DOCK2: variants seen among roughly 807,000 people sequenced by gnomAD.
DOCK2 encodes the protein dedicator of cytokinesis protein 2.
DOCK2 carries 87 observed loss-of-function variants against 248.9 expected under a neutral mutation model. The ratio of observed to expected loss-of-function variants is 0.35; its 90% confidence interval spans 0.29 to 0.42. The LOEUF (loss-of-function observed/expected upper bound fraction) is 0.42, where lower values mean the gene tolerates loss of function less well. DOCK2 is among the 10% of genes least tolerant of loss of function. The probability of loss-of-function intolerance (pLI) is 1.00; values close to 1 mark genes in which losing one functional copy is unlikely to be tolerated. For synonymous variants in DOCK2, 805 were observed against 821.6 expected, an observed-to-expected ratio of 0.98 and a Z score of 0.35; for missense variants, 1,747 against 2,300.2, an observed-to-expected ratio of 0.76 and a Z score of 4.92.
rs118131805 is a variant in DOCK2 at position 169,840,716 on chromosome 5, G to T, written c.2704-41G>T. On this transcript the variant is annotated intron_variant, in intron 26 of 51. Transcript: ENST00000520908. ...TCCTTTGTACAATTGTTCAGATGCAGTGTCCTGGTTGTCACATAGATGTCT... is the reference window on the plus strand; with the variant it reads ...TCCTTTGTACAATTGTTCAGATGCATTGTCCTGGTTGTCACATAGATGTCT... The T allele has an allele frequency of 8.0e-3, 12,773 of 1,588,344 alleles. 78 individuals are homozygous for T. Among genetic ancestry groups the T allele is most frequent in the East Asian group, 0.023 (1,035 of 44,496 alleles).
At chr5:169,780,243 G>A (rs570297967) in intron 25 of DOCK2, among the ~76,000 whole-genome samples, 2 of 151,640 alleles carry the variant, frequency 1.3e-5, no homozygotes, top group East Asian at 1.9e-4. Context: ...GAGGAGGGAC[G>A]GAGTCAGCTC....
chr5:170,055,843 T>A (rs1198014362), intron 42 of DOCK2, among the ~76,000 whole-genome samples: 1 of 152,224 alleles, frequency 6.6e-6, no homozygotes, highest in Non-Finnish European at 1.5e-5. Flanking sequence ...GTTCAGGCTC[T>A]GATAAAGGAA....
intron 25 of DOCK2, among the ~76,000 whole-genome samples, chr5:169,784,050 A>G (rs1316627400): frequency 6.6e-6 from 1 of 152,192 alleles, no homozygotes; most frequent in Non-Finnish European, 1.5e-5. Context: ...ACTGGCTTTC[A>G]AAGTCCAGGG....
intron 17 of DOCK2, 44 bp from the exon 18 acceptor site, chr5:169,713,984 G>A: frequency 1.3e-6 from 2 of 1,545,492 alleles, no homozygotes; most frequent in Non-Finnish European, 1.7e-6. Context: ...GTGGCATTGG[G>A]CATGGAGCCT....
At chr5:169,752,616 T>G (rs939856795) in intron 23 of DOCK2, among the ~76,000 whole-genome samples, 1 of 151,696 alleles carries the variant, frequency 6.6e-6, no homozygotes, top group Non-Finnish European at 1.5e-5. Flanking sequence ...CATGGGGGCC[T>G]GCCCATGCCT....
intron 27 of DOCK2, chr5:169,875,121 G>A (rs983989251): frequency 1.8e-5 from 8 of 443,182 alleles, no homozygotes; most frequent in African/African-American, 1.4e-4. Context: ...TTTATTCATG[G>A]GCTGGTTGTC....
chr5:169,799,675 A>G (rs1479063417), intron 25 of DOCK2, among the ~76,000 whole-genome samples: 1 of 152,234 alleles, frequency 6.6e-6, no homozygotes, highest in Non-Finnish European at 1.5e-5. Context: ...TATGGACTAA[A>G]TATTTAACTT....
At chr5:169,913,642 A>G (rs1774722035) in intron 27 of DOCK2, among the ~76,000 whole-genome samples, 2 of 152,222 alleles carry the variant, frequency 1.3e-5, no homozygotes, top group African/African-American at 4.8e-5. Context: ...GGGAGTATGC[A>G]GCTTATGAGC....
chr5:170,032,258 C>T (rs910800099), intron 34 of DOCK2, among the ~76,000 whole-genome samples: 1 of 152,114 alleles, frequency 6.6e-6, no homozygotes, highest in Non-Finnish European at 1.5e-5. Context: ...TATCTCCTGA[C>T]CTCGTGATCT....
chr5:169,874,742 A>G (rs757269554), intron 27 of DOCK2, among the ~76,000 whole-genome samples: 2 of 152,140 alleles, frequency 1.3e-5, no homozygotes, highest in Non-Finnish European at 2.9e-5. Flanking sequence ...CTGGATTGCC[A>G]ATCAGTTTCT....
At chr5:170,057,011 C>T (rs768347969) in intron 43 of DOCK2, 20 of 492,762 alleles carry the variant, frequency 4.1e-5, no homozygotes, top group Non-Finnish European at 6.5e-5. Flanking sequence ...TTTTCAACCA[C>T]AGGGCATTCA....
intron 30 of DOCK2, among the ~76,000 whole-genome samples, chr5:170,003,839 C>T (rs1754923845): frequency 6.6e-6 from 1 of 152,210 alleles, no homozygotes; most frequent in Non-Finnish European, 1.5e-5. Context: ...GTGACCACTG[C>T]TCACCTCTAA....
chr5:169,706,338 T>C (rs1242202614), intron 14 of DOCK2, among the ~76,000 whole-genome samples: 1 of 152,244 alleles, frequency 6.6e-6, no homozygotes, highest in Non-Finnish European at 1.5e-5. Flanking sequence ...TAAATCTTTG[T>C]AGGCTGGAAG....
At chr5:170,022,371 T>G (rs1393788600) in intron 33 of DOCK2, among the ~76,000 whole-genome samples, 1 of 152,204 alleles carries the variant, frequency 6.6e-6, no homozygotes, top group Non-Finnish European at 1.5e-5. Flanking sequence ...GGGCAATCTC[T>G]TTCTCTGCTC....
intron 27 of DOCK2, among the ~76,000 whole-genome samples, chr5:169,959,023 T>C (rs1776973825): frequency 6.6e-6 from 1 of 152,160 alleles, no homozygotes; most frequent in Non-Finnish European, 1.5e-5. Flanking sequence ...TATTTAAGCC[T>C]AGGACTGGGC....
chr5:169,780,317 GT>G (rs1765633765), intron 25 of DOCK2, among the ~76,000 whole-genome samples: 1 of 147,178 alleles, frequency 6.8e-6, no homozygotes, highest in African/African-American at 2.5e-5. Context: ...GTGTGTGTGT[GT>G]GTGTGTGTGT....
At chr5:169,948,401 T>C (rs1256488552) in intron 27 of DOCK2, among the ~76,000 whole-genome samples, 1 of 152,126 alleles carries the variant, frequency 6.6e-6, no homozygotes, top group Non-Finnish European at 1.5e-5. Flanking sequence ...CCTTTCTCTG[T>C]TTTTTCATAC....
At chr5:169,771,182 C>G (rs1006104672) in intron 25 of DOCK2, among the ~76,000 whole-genome samples, 2 of 152,250 alleles carry the variant, frequency 1.3e-5, no homozygotes, top group African/African-American at 4.8e-5. Context: ...TCTTCAGTTG[C>G]ATTTCCTTGA....
chr5:169,894,918 C>T (rs1408786443), intron 27 of DOCK2, among the ~76,000 whole-genome samples: 1 of 152,188 alleles, frequency 6.6e-6, no homozygotes, highest in Non-Finnish European at 1.5e-5. Flanking sequence ...TGCCAAATGT[C>T]CCGTCTGCTG....
Sources: gnomAD v4.1 joint callset for allele counts (sites outside exome capture counted in the v4.1 genomes callset) on GRCh38, gnomAD v4.1.1 for gene constraint, MANE v1.5 for transcripts, NCBI Gene and HGNC (gene_info 2026-07-23, HGNC 2026-07-21) for gene names.